The following DLG1 variants were observed in gnomAD, a reference collection of about 807,000 sequenced individuals.
The protein encoded by DLG1 is discs large MAGUK scaffold protein 1, also known as disks large homolog 1.
In DLG1, 42 loss-of-function variants were observed where a neutral mutation model predicts 123.4. That is an observed-to-expected ratio of 0.34 (90% CI 0.27 to 0.44). DLG1 has a LOEUF of 0.44. Ranked by LOEUF, DLG1 falls within the 20% of genes least tolerant of loss-of-function variation. The pLI is 1.00. For missense variants in DLG1, 942 were observed against 1,082.6 expected, an observed-to-expected ratio of 0.87 and a Z score of 1.82; for synonymous variants, 317 against 356.2, an observed-to-expected ratio of 0.89 and a Z score of 1.24.
chr3:197,238,410 A>G (rs1224010344), intron 4 of DLG1, among the ~76,000 whole-genome samples: 1 of 152,228 alleles, frequency 6.6e-6, no homozygotes, highest in East Asian at 1.9e-4. Flanking sequence ...AACAAATGAA[A>G]TAATAAAAAC....
At chr3:197,192,109 G>A (rs1389185840) in intron 5 of DLG1, among the ~76,000 whole-genome samples, 1 of 150,890 alleles carries the variant, frequency 6.6e-6, no homozygotes, top group Non-Finnish European at 1.5e-5. Context: ...AGGAGTTTGG[G>A]GCTGCAGTAA....
At chr3:197,277,133 C>T (rs1401889704) in intron 4 of DLG1, among the ~76,000 whole-genome samples, 1 of 151,744 alleles carries the variant, frequency 6.6e-6, no homozygotes, top group Non-Finnish European at 1.5e-5. Flanking sequence ...CTTAAGCGAT[C>T]TGCCCAGCTT....
At chr3:197,149,231 C>T (rs1307556335) in intron 6 of DLG1, among the ~76,000 whole-genome samples, 2 of 152,188 alleles carry the variant, frequency 1.3e-5, no homozygotes, top group Non-Finnish European at 2.9e-5. Context: ...CACCCACCAC[C>T]TGGCAACTGC....
At position 197,142,765 on chromosome 3, in the gene DLG1, T is replaced by C; in HGVS notation, c.541A>G (p.Asn181Asp). 1 of 1,607,008 alleles carries C rather than the reference T, an allele frequency of 6.2e-7. No homozygotes were observed. The highest frequency in any genetic ancestry group is 1.1e-5 in the South Asian group (1 of 88,436). The stretch of plus-strand genomic sequence containing the variant: ...TATTCATAATCTGCATCTGTGCCAT[T>C]AACCTACAGGGGAAAAGAAAAGCAG... ...TDSLETPTYV[N>D]GTDADYEYEE... The change falls in exon 7 of 25, where the codon AAT (asparagine) becomes GAT (aspartate). Residue 181 changes from asparagine to aspartate, a missense_variant. Coordinates refer to ENST00000667157, the MANE Select transcript of DLG1 (RefSeq NM_001366207.1).
intron 12 of DLG1, among the ~76,000 whole-genome samples, chr3:197,117,706 CAG>C (rs1366586721): frequency 6.6e-6 from 1 of 152,128 alleles, no homozygotes; most frequent in East Asian, 1.9e-4. Context: ...TTAATGGTCA[CAG>C]AGTTTGTCTG....
intron 3 of DLG1, among the ~76,000 whole-genome samples, chr3:197,292,317 C>T (rs1240493280): frequency 6.6e-6 from 1 of 152,148 alleles, no homozygotes; most frequent in African/African-American, 2.4e-5. Context: ...ACAACTACAA[C>T]ATGAATGAAC....
At chr3:197,256,965 T>TA (rs1226779281) in intron 4 of DLG1, among the ~76,000 whole-genome samples, 25 of 152,156 alleles carry the variant, frequency 1.6e-4, no homozygotes, top group Non-Finnish European at 2.9e-4. Context: ...TAATATGATC[T>TA]ACACTAAAAA....
intron 11 of DLG1, among the ~76,000 whole-genome samples, chr3:197,127,746 TAC>T (rs1780501065): frequency 6.6e-6 from 1 of 151,820 alleles, no homozygotes; most frequent in Non-Finnish European, 1.5e-5. Context: ...TCAGAGATAT[TAC>T]AGTTCCATAC....
chr3:197,053,601 G>A (rs747704039), intron 23 of DLG1, among the ~76,000 whole-genome samples: 8 of 151,464 alleles, frequency 5.3e-5, no homozygotes, highest in South Asian at 2.1e-4. Flanking sequence ...GTGAAATCCC[G>A]TCTCCACTAA....
chr3:197,065,305 C>G lies in DLG1; in HGVS notation c.2344G>C (p.Val782Leu), dbSNP rs759493254. 6.2e-7 allele frequency: 1 copy of G among 1,609,360 alleles called. No individual in the cohort carries two copies. The highest frequency in any genetic ancestry group is 1.1e-5 in the South Asian group (1 of 89,882). ...TCTGCTACTTCTCGTACAGACTGAA[C>G]ACTTGTTCCATATAGATGATTGTTA... ...QYNNHLYGTS[V>L]QSVREVAEKG... The change falls in exon 22 of 25, where the codon GTT (valine) becomes CTT (leucine). Residue 782 changes from valine (V) to leucine (L), a missense_variant. By Grantham distance (32) the Val-to-Leu change is conservative. Transcript: ENST00000667157.
intron 4 of DLG1, among the ~76,000 whole-genome samples, chr3:197,200,601 A>G (rs545666319): frequency 1.1e-3 from 170 of 152,330 alleles, no homozygotes; most frequent in African/African-American, 3.2e-3. Flanking sequence ...ATCGAACCCG[A>G]CAGCACCATC....
intron 4 of DLG1, among the ~76,000 whole-genome samples, chr3:197,221,298 A>G (rs1024956875): frequency 7.9e-5 from 12 of 152,164 alleles, no homozygotes; most frequent in Admixed American, 7.9e-4. Flanking sequence ...CGGGTGGATC[A>G]CCTGAGGTCA....
chr3:197,249,348 GAAGA>G (rs561642072), intron 4 of DLG1, among the ~76,000 whole-genome samples: 185 of 152,076 alleles, frequency 1.2e-3, no homozygotes, highest in African/African-American at 4.2e-3. Flanking sequence ...ATTGAACCAT[GAAGA>G]AAGAAAACCT....
intron 4 of DLG1, among the ~76,000 whole-genome samples, chr3:197,243,707 T>C (rs1177400431): frequency 1.3e-5 from 2 of 152,214 alleles, no homozygotes; most frequent in Non-Finnish European, 2.9e-5. Flanking sequence ...GCATTCCTAG[T>C]ATAACTGACA....
At chr3:197,099,652 A>G (rs1173660788) in intron 14 of DLG1, among the ~76,000 whole-genome samples, 1 of 152,158 alleles carries the variant, frequency 6.6e-6, no homozygotes, top group African/African-American at 2.4e-5. Context: ...TCACCGCCAC[A>G]CTAGAAGTAA....
In DLG1 at chr3:197,174,646, C is replaced by CTT. The variant is rs201728628; in HGVS notation, c.483+19777_483+19778dup. Among the ~76,000 whole-genome samples, 133 of 152,244 alleles carry CTT rather than the reference C, an allele frequency of 8.7e-4. 1 individual carries two copies. The East Asian group carries it at 0.025, about 28-fold the overall frequency. On this transcript the variant is annotated intron_variant, in intron 5 of 24. Transcript: ENST00000667157. ...TGTTTTCTTTCTATCTTACAAAATA[C>CTT]TTTCCAACTGATTTCTTTCCAAATT... is the stretch of plus-strand genomic sequence containing the variant.
Position 197,136,685 on chromosome 3 carries a change from G to A in DLG1, c.884-7C>T. On this transcript the variant is annotated splice_polypyrimidine_tract_variant and splice_region_variant and intron_variant, in intron 9 of 24. Coordinates refer to ENST00000667157, the MANE Select transcript of DLG1 (RefSeq NM_001366207.1). ...GCAATGCTAAACCCAAGACCTGTTT[G>A]GAAAACAGTTCTAGATTCTCATCCA... 1 of 1,595,210 alleles carries A rather than the reference G, an allele frequency of 6.3e-7. No homozygotes were observed. The highest frequency in any genetic ancestry group is 1.3e-5 in the African/African-American group (1 of 74,170).
chr3:197,217,029 A>G (rs1434779890), intron 4 of DLG1, among the ~76,000 whole-genome samples: 1 of 152,260 alleles, frequency 6.6e-6, no homozygotes, highest in African/African-American at 2.4e-5. Context: ...CTCAAATTCA[A>G]GAATAGATGA....
intron 6 of DLG1, among the ~76,000 whole-genome samples, chr3:197,147,084 C>T (rs1034877604): frequency 6.6e-6 from 1 of 151,882 alleles, no homozygotes; most frequent in African/African-American, 2.4e-5. Flanking sequence ...ATCAAAACCA[C>T]AATGTGATAT....
Sources: allele counts gnomAD v4.1 joint callset (sites outside exome capture counted in the v4.1 genomes callset), GRCh38; gene constraint gnomAD v4.1.1; transcripts MANE v1.5; gene names NCBI Gene and HGNC (gene_info 2026-07-23, HGNC 2026-07-21).